The following PARM1 variants were observed in gnomAD, a reference collection of about 807,000 sequenced individuals.
PARM1 encodes prostate androgen-regulated mucin-like protein 1, also known as WSC4, cell wall integrity and stress response component 4 homolog.
Under a neutral mutation model 24.6 loss-of-function variants are expected in PARM1, and 14 were observed. The observed-to-expected ratio is 0.57, with a 90% CI of 0.38 to 0.89. PARM1 has a LOEUF of 0.89. Among genes scored for constraint, PARM1 ranks in the 40% least tolerant of loss-of-function variants. The pLI is 0.00. For synonymous variants in PARM1, 179 were observed against 156.6 expected, an observed-to-expected ratio of 1.14 and a Z score of -1.07; for missense variants, 362 against 380.4, an observed-to-expected ratio of 0.95 and a Z score of 0.40.
chr4:74,961,004 C>CAAA (rs1161009878), intron 1 of PARM1, among the ~76,000 whole-genome samples: 1 of 95,592 alleles, frequency 1.0e-5, no homozygotes, highest in Admixed American at 1.1e-4. Flanking sequence ...GACTCCGTCT[C>CAAA]AAAAAAAAAA....
Position 75,048,951 on chromosome 4 carries a change from A to G in PARM1, c.*2704A>G, listed in dbSNP as rs1450460415. 6.6e-6 allele frequency: 1 copy of G among 152,658 alleles called. No homozygotes were observed. The highest frequency in any genetic ancestry group is 1.5e-5 in the Non-Finnish European group (1 of 68,038). The allele number at this position is 152,658 out of a possible 1,614,324, so 9.5% of individuals were successfully genotyped here. ...TCTACAAATGTTACTTATAACACAC[A>G]CACACACATCTGAAATATATGCCGA... is the stretch of plus-strand genomic sequence containing the variant. On this transcript the variant is annotated 3_prime_UTR_variant, in exon 4 of 4. Transcript: ENST00000307428.
At chr4:75,032,189 A>G (rs1331614032) in intron 2 of PARM1, among the ~76,000 whole-genome samples, 4 of 152,234 alleles carry the variant, frequency 2.6e-5, no homozygotes, top group Non-Finnish European at 5.9e-5. Context: ...GAAGCTTGTA[A>G]GCTCTGAAAC....
At chr4:75,003,094 A>G (rs1722711421) in intron 1 of PARM1, among the ~76,000 whole-genome samples, 4 of 152,036 alleles carry the variant, frequency 2.6e-5, no homozygotes, top group Admixed American at 6.6e-5. Context: ...GCCCATATCC[A>G]CCTTCAACCA....
intron 1 of PARM1, among the ~76,000 whole-genome samples, chr4:74,950,972 G>A (rs1044710550): frequency 6.6e-6 from 1 of 152,126 alleles, no homozygotes; most frequent in Non-Finnish European, 1.5e-5. Flanking sequence ...AGGAAAGGAT[G>A]GAGGGAGGAA....
chr4:74,963,367 C>T (rs550347146), intron 1 of PARM1, among the ~76,000 whole-genome samples: 33 of 152,240 alleles, frequency 2.2e-4, no homozygotes, highest in East Asian at 5.8e-4. Flanking sequence ...ATGTTCTTAA[C>T]GGCATTATTC....
intron 3 of PARM1, among the ~76,000 whole-genome samples, chr4:75,041,527 G>A (rs569029011): frequency 6.6e-6 from 1 of 152,250 alleles, no homozygotes; most frequent in South Asian, 2.1e-4. Context: ...GGAGAACTGG[G>A]GCTGACCCTT....
At position 74,973,911 on chromosome 4, in the gene PARM1, G is replaced by A. The variant is rs146576219; in HGVS notation, c.44-38514G>A. ...AGAGAGAGAGAGAGAAAGAAAGAGA[G>A]AGAGATTTATTGTAAAGAATTGGCT... On this transcript the variant is annotated intron_variant, in intron 1 of 3. Coordinates refer to ENST00000307428, the MANE Select transcript of PARM1 (RefSeq NM_015393.4). Among the ~76,000 whole-genome samples, 852 of 152,220 alleles carry A rather than the reference G, an allele frequency of 5.6e-3. 8 individuals carry two copies. Among genetic ancestry groups the A allele is most frequent in the African/African-American group, 0.019 (802 of 41,514 alleles).
chr4:75,044,703 T>A (rs1723564026), intron 3 of PARM1, among the ~76,000 whole-genome samples: 1 of 152,182 alleles, frequency 6.6e-6, no homozygotes, highest in South Asian at 2.1e-4. Flanking sequence ...TTAGTCCATT[T>A]TCACACTTCT....
intron 1 of PARM1, among the ~76,000 whole-genome samples, chr4:74,984,663 T>C (rs1722316276): frequency 6.6e-6 from 1 of 152,202 alleles, no homozygotes; most frequent in African/African-American, 2.4e-5. Context: ...AGTGTAAGAA[T>C]AGCTAATTTT....
chr4:74,988,495 T>A (rs892715262), intron 1 of PARM1, among the ~76,000 whole-genome samples: 9 of 152,170 alleles, frequency 5.9e-5, no homozygotes, highest in Non-Finnish European at 1.0e-4. Context: ...AAGATGACCA[T>A]AACTCAGTAA....
At chr4:74,949,596 G>A (rs1320798478) in intron 1 of PARM1, among the ~76,000 whole-genome samples, 1 of 152,220 alleles carries the variant, frequency 6.6e-6, no homozygotes, top group African/African-American at 2.4e-5. Context: ...ACAGGCGTGA[G>A]CCACTGCGCC....
intron 1 of PARM1, among the ~76,000 whole-genome samples, chr4:74,998,622 A>T (rs2046602400): frequency 6.6e-6 from 1 of 152,208 alleles, no homozygotes; most frequent in African/African-American, 2.4e-5. Flanking sequence ...ATTCATTCCT[A>T]CAAAATTAAT....
Position 75,009,586 on chromosome 4 carries a change from T to C in PARM1, c.44-2839T>C, listed in dbSNP as rs1202487680. ...AGTGAAGCTGATCTTTAAGCAAGAA[T>C]CTTGCCCTCAAATAATACCAGGTAG... On this transcript the variant is annotated intron_variant, in intron 1 of 3. Coordinates refer to ENST00000307428, the MANE Select transcript of PARM1 (RefSeq NM_015393.4). Among the ~76,000 whole-genome samples, 5 of 152,292 alleles carry C rather than the reference T, an allele frequency of 3.3e-5. 1 individual carries two copies. In the South Asian group the frequency reaches 6.2e-4, roughly 19 times the overall value.
chr4:75,012,533 C>G lies in PARM1; in HGVS notation c.152C>G (p.Ala51Gly), dbSNP rs767195106. The part of the protein sequence containing the change: ...IWTSSPQNTD[A>G]DTASPSNGTH... ...ACTAGCTCTCCACAAAACACTGATG[C>G]AGACACTGCCTCCCCATCCAACGGC... The change falls in exon 2 of 4, where the codon GCA (alanine) becomes GGA (glycine). Residue 51 changes from alanine (A) to glycine (G), a missense_variant. Coordinates refer to ENST00000307428, the MANE Select transcript of PARM1 (RefSeq NM_015393.4). The G allele has an allele frequency of 1.2e-6, 2 of 1,613,998 alleles. No homozygotes were observed. Among genetic ancestry groups the G allele is most frequent in the South Asian group, 2.2e-5 (2 of 91,066 alleles).
intron 1 of PARM1, among the ~76,000 whole-genome samples, chr4:74,952,810 G>T (rs1560773952): frequency 2.0e-5 from 3 of 152,296 alleles, no homozygotes; most frequent in East Asian, 3.9e-4. Flanking sequence ...AAAAGTGTGT[G>T]TTTATGTGTG....
At chr4:74,960,936 C>T (rs1332581950) in intron 1 of PARM1, among the ~76,000 whole-genome samples, 3 of 150,106 alleles carry the variant, frequency 2.0e-5, no homozygotes, top group East Asian at 3.9e-4. Flanking sequence ...ACCCGGGAGG[C>T]GGAGCTTGCA....
At chr4:74,948,051 T>C (rs534654352) in intron 1 of PARM1, among the ~76,000 whole-genome samples, 4 of 152,310 alleles carry the variant, frequency 2.6e-5, no homozygotes, top group Non-Finnish European at 4.4e-5. Context: ...CATTTCCTCA[T>C]TCTAGAATGC....
intron 1 of PARM1, among the ~76,000 whole-genome samples, chr4:74,949,828 TCTTA>T (rs1323042260): frequency 6.7e-6 from 1 of 149,092 alleles, no homozygotes; most frequent in Non-Finnish European, 1.5e-5. Context: ...ATGGCTGGCC[TCTTA>T]CTCTTTTTTT....
chr4:74,936,438 G>GTTTTTTTTTTTTTTT (rs33956924), intron 1 of PARM1, among the ~76,000 whole-genome samples: 1 of 31,858 alleles, frequency 3.1e-5, no homozygotes, highest in African/African-American at 1.0e-4. Context: ...ACATTCAAGT[G>GTTTTTTTTTTTTTTT]TTTTTTTTTT....
Sources: allele counts gnomAD v4.1 joint callset (sites outside exome capture counted in the v4.1 genomes callset), GRCh38; gene constraint gnomAD v4.1.1; transcripts MANE v1.5; gene names NCBI Gene and HGNC (gene_info 2026-07-23, HGNC 2026-07-21).